FREM1: variants seen among roughly 807,000 people sequenced by gnomAD.
FREM1 encodes FRAS1-related extracellular matrix protein 1.
In FREM1, 220 loss-of-function variants were observed where a neutral mutation model predicts 210.1. That is an observed-to-expected ratio of 1.05 (90% CI 0.94 to 1.17). The LOEUF (loss-of-function observed/expected upper bound fraction) is 1.17. FREM1 is among the 50% of genes most tolerant of loss of function. FREM1 has a pLI of 0.00. For missense variants in FREM1, 3,454 were observed against 2,675.5 expected (o/e 1.29, Z -6.42); for synonymous variants, 1,189 against 980.2 (o/e 1.21, Z -3.98).
rs536372848 is a variant in FREM1 at position 14,860,806 on chromosome 9, T to C, written c.330-1322A>G. Among the ~76,000 whole-genome samples the C allele has an allele frequency of 2.6e-3, 315 of 119,298 alleles. 25 individuals are homozygous for C. Among genetic ancestry groups the C allele is most frequent in the Non-Finnish European group, 3.7e-3 (221 of 60,014 alleles). The allele number at this position is 119,298 out of a possible 152,430, so 78.3% of individuals were successfully genotyped here. On this transcript the variant is annotated intron_variant, in intron 3 of 36. Coordinates refer to ENST00000380880, the MANE Select transcript of FREM1 (RefSeq NM_001379081.2). Reference sequence around the variant, plus strand: ...ACATATATACATATATACACATATATACATATATACACATATATACATATA... The same window carrying C: ...ACATATATACATATATACACATATACACATATATACACATATATACATATA...
chr9:14,906,073 T>C (rs1817647236), intron 1 of FREM1, among the ~76,000 whole-genome samples: 1 of 152,212 alleles, frequency 6.6e-6, no homozygotes, highest in Non-Finnish European at 1.5e-5. Context: ...ATGTTTGTTT[T>C]CTTTTCAGAC....
At chr9:14,875,589 A>G (rs550038837) in intron 1 of FREM1, among the ~76,000 whole-genome samples, 1 of 152,122 alleles carries the variant, frequency 6.6e-6, no homozygotes, top group African/African-American at 2.4e-5. Context: ...AATTTTTTTT[A>G]AAGTTTTTAA....
chr9:14,807,241 T>C (rs1282397422), intron 17 of FREM1, among the ~76,000 whole-genome samples: 2 of 152,200 alleles, frequency 1.3e-5, no homozygotes, highest in South Asian at 2.1e-4. Flanking sequence ...ACGTAGTTTA[T>C]GTACTCTTCA....
intron 1 of FREM1, among the ~76,000 whole-genome samples, chr9:14,874,188 T>C (rs1833257548): frequency 6.6e-6 from 1 of 152,220 alleles, no homozygotes. Flanking sequence ...TTAGGTCTGC[T>C]TGGTGCAGAG....
chr9:14,871,351 C>G (rs1832635609), intron 1 of FREM1, among the ~76,000 whole-genome samples: 1 of 152,190 alleles, frequency 6.6e-6, no homozygotes, highest in Non-Finnish European at 1.5e-5. Context: ...GCCATTCTAA[C>G]TGGTGTGAGA....
At chr9:14,790,421 T>C (rs1289470867) in intron 22 of FREM1, among the ~76,000 whole-genome samples, 1 of 152,186 alleles carries the variant, frequency 6.6e-6, no homozygotes, top group Non-Finnish European at 1.5e-5. Flanking sequence ...TTTGTTTCCA[T>C]AAGACCTATT....
At chr9:14,790,122 G>C (rs958881209) in intron 22 of FREM1, among the ~76,000 whole-genome samples, 4 of 152,092 alleles carry the variant, frequency 2.6e-5, no homozygotes, top group African/African-American at 9.7e-5. Flanking sequence ...TGGGGGCTCT[G>C]GTACAGCAAG....
Position 14,859,397 on chromosome 9 carries a change from G to C in FREM1, c.417C>G (p.Asn139Lys). The C allele has an allele frequency of 6.2e-7, 1 of 1,613,836 alleles. No individual in the cohort carries two copies. Among genetic ancestry groups the C allele is most frequent in the Non-Finnish European group, 8.5e-7 (1 of 1,179,778 alleles). ...TGAATTCAGGCACCTCCAGCACATT[G>C]TTACTCATATGGATGATGTTACAGT... is the stretch of plus-strand genomic sequence containing the variant. ...EPDCNIIHMS[N>K]NVLEVPEFNG... Residue 139 changes from asparagine (N) to lysine (K), a missense_variant, in exon 4 of 37, where the codon AAC (asparagine) becomes AAG (lysine). Transcript: ENST00000380880.
chr9:14,891,041 T>C (rs1174596689), intron 1 of FREM1, among the ~76,000 whole-genome samples: 1 of 152,210 alleles, frequency 6.6e-6, no homozygotes, highest in Non-Finnish European at 1.5e-5. Flanking sequence ...GGACCTACCG[T>C]GGGCATGTAC....
intron 24 of FREM1, among the ~76,000 whole-genome samples, chr9:14,781,185 G>A (rs1212546675): frequency 6.6e-6 from 1 of 152,174 alleles, no homozygotes; most frequent in East Asian, 1.9e-4. Flanking sequence ...TTTCTCATGT[G>A]TACAATGGGA....
chr9:14,857,522 G>A, intron 5 of FREM1, 31 bp downstream of exon 5: 1 of 1,556,166 alleles, frequency 6.4e-7, no homozygotes, highest in Non-Finnish European at 8.9e-7. Context: ...TGTGAATCCT[G>A]GGGGCACCCA....
chr9:14,872,576 A>G (rs953835396), intron 1 of FREM1, among the ~76,000 whole-genome samples: 139 of 152,194 alleles, frequency 9.1e-4, no homozygotes, highest in Non-Finnish European at 1.5e-3. Context: ...GGACTGAGAC[A>G]ATGGGGTTTT....
At position 14,776,178 on chromosome 9, in the gene FREM1, T is replaced by C; in HGVS notation, c.4468A>G (p.Thr1490Ala). The C allele has an allele frequency of 6.5e-7, 1 of 1,532,574 alleles. No individual in the cohort carries two copies. The highest frequency in any genetic ancestry group is 8.8e-7 in the Non-Finnish European group (1 of 1,140,156). 94.9% of individuals were successfully genotyped at this position (1,532,574 alleles called of 1,614,324 possible). A position where few individuals can be genotyped will look rare whatever the true frequency, so the allele number is the denominator to read the frequency against. Reference protein sequence around the residue: ...FRFIISNGLRTEHGVFEITLE... With the variant: ...FRFIISNGLRAEHGVFEITLE... Reference sequence around the variant, plus strand: ...GTGATCTCAAACACCCCGTGCTCGGTCCGCAGTCCATTGCTGATGATGAAT... The same window carrying C: ...GTGATCTCAAACACCCCGTGCTCGGCCCGCAGTCCATTGCTGATGATGAAT... The change falls in exon 25 of 37, where the codon ACC becomes GCC. Residue 1490 changes from threonine to alanine, a missense_variant. Transcript: ENST00000380880.
At position 14,775,521 on chromosome 9, in the gene FREM1, C is replaced by A. The variant is rs1037547171; in HGVS notation, c.4857+268G>T. Among the ~76,000 whole-genome samples the A allele has an allele frequency of 2.8e-4, 42 of 152,108 alleles. No individual in the cohort carries two copies. In the Middle Eastern group the frequency reaches 0.01, roughly 37 times the overall value. ...AGGAGTTCGCCACCAGCCTGACTGA[C>A]ATGGTGAAACCGTGTCTCTACTAAA... On this transcript the variant is annotated intron_variant, in intron 25 of 36. Coordinates refer to ENST00000380880, the MANE Select transcript of FREM1 (RefSeq NM_001379081.2).
rs751829555 is a variant in FREM1 at position 14,846,057 on chromosome 9, G to C, written c.1296C>G (p.Ile432Met). 1 of 1,595,758 alleles carries C rather than the reference G, an allele frequency of 6.3e-7. No individual in the cohort carries two copies. The highest frequency in any genetic ancestry group is 8.5e-7 in the Non-Finnish European group (1 of 1,170,238). ...CGACAACCTGAAACTGTTCCCAAGT[G>C]ATGGCTCGAGACTGCCCCTCAAGGA... Reference protein sequence around the residue: ...LSLLEGQSRAITWEQFQVVDN... With the variant: ...LSLLEGQSRAMTWEQFQVVDN... The change falls in exon 8 of 37, where the codon ATC becomes ATG. Residue 432 changes from isoleucine (I) to methionine (M), a missense_variant. Coordinates refer to ENST00000380880, the MANE Select transcript of FREM1 (RefSeq NM_001379081.2).
chr9:14,789,032 T>A lies in FREM1; in HGVS notation c.4064A>T (p.His1355Leu). Residue 1355 changes from histidine (H) to leucine (L), a missense_variant, in exon 23 of 37, where the codon CAC becomes CTC. Coordinates refer to ENST00000380880, the MANE Select transcript of FREM1 (RefSeq NM_001379081.2). The stretch of plus-strand genomic sequence containing the variant: ...ATTCTGGGAATCCATTGCCCCGGTG[T>A]GTGTGTATCTCAGCAAGTTCAGATC... ...EVDLNLLRYT[H>L]TGAMDSQNQD... is the part of the protein sequence containing the mutation. 6.2e-7 allele frequency: 1 copy of A among 1,611,352 alleles called. No individual in the cohort carries two copies. The highest frequency in any genetic ancestry group is 8.5e-7 in the Non-Finnish European group (1 of 1,178,832).
chr9:14,810,263 T>C (rs1216822776), intron 16 of FREM1, among the ~76,000 whole-genome samples: 2 of 151,968 alleles, frequency 1.3e-5, no homozygotes, highest in Admixed American at 1.3e-4. Context: ...AGAAGGCAAA[T>C]TGCAAATTGA....
At chr9:14,768,510 A>G (rs1168700465) in intron 27 of FREM1, among the ~76,000 whole-genome samples, 1 of 152,060 alleles carries the variant, frequency 6.6e-6, no homozygotes, top group South Asian at 2.1e-4. Flanking sequence ...ATCACGGGCC[A>G]GGTCTACTTT....
intron 4 of FREM1, 99 bp downstream of exon 4, chr9:14,859,084 C>T (rs1829328393): frequency 1.0e-6 from 1 of 964,484 alleles, no homozygotes; most frequent in Non-Finnish European, 1.5e-6. Flanking sequence ...GCTAAAATGA[C>T]TAGTTAACTA....
Sources: gnomAD v4.1 joint callset for allele counts (sites outside exome capture counted in the v4.1 genomes callset) on GRCh38, gnomAD v4.1.1 for gene constraint, MANE v1.5 for transcripts, NCBI Gene and HGNC (gene_info 2026-07-23, HGNC 2026-07-21) for gene names.